The following MAOA variants were observed in gnomAD, a reference collection of about 807,000 sequenced individuals.
The protein encoded by MAOA is monoamine oxidase A.
Under a neutral mutation model 42.0 loss-of-function variants are expected in MAOA, and 6 were observed. The ratio of observed to expected loss-of-function variants is 0.14; its 90% CI spans 0.08 to 0.28. The LOEUF is 0.28. Ranked by LOEUF, MAOA falls within the 10% of genes least tolerant of loss-of-function variation. MAOA has a pLI of 1.00. For missense variants in MAOA, 262 were observed against 422.3 expected (o/e 0.62, Z 3.33); for synonymous variants, 140 against 154.0 (o/e 0.91, Z 0.67).
chrX:43,695,543 C>T (rs928442246), intron 3 of MAOA, among the ~76,000 whole-genome samples: 1 of 110,367 alleles, frequency 9.1e-6, no homozygotes, highest in Non-Finnish European at 1.9e-5. Flanking sequence ...CCAGCCTGGG[C>T]AACATAGTGA....
intron 1 of MAOA, chrX:43,657,722 C>T (rs2033195678): frequency 8.1e-6 from 1 of 122,715 alleles, no homozygotes; most frequent in South Asian, 3.5e-4. Context: ...AAAGAGAAAG[C>T]TGATGGGAGG....
chrX:43,743,714 C>G (rs2033977406), intron 12 of MAOA, 80 bp from the exon 13 acceptor site: 13 of 1,051,562 alleles, frequency 1.2e-5, no homozygotes, highest in Admixed American at 2.6e-5. Flanking sequence ...CTTCTGCAGA[C>G]TAAATGAGGG....
intron 2 of MAOA, 143 bp downstream of exon 2, chrX:43,683,750 C>T (rs937978962): frequency 4.2e-6 from 2 of 473,388 alleles, no homozygotes; most frequent in Admixed American, 6.7e-5. Context: ...GTACTCCCAT[C>T]AAATAAGCGT....
At chrX:43,701,789 C>G (rs927195359) in intron 3 of MAOA, among the ~76,000 whole-genome samples, 4 of 112,140 alleles carry the variant, frequency 3.6e-5, no homozygotes, top group Non-Finnish European at 7.5e-5. Context: ...ATTATATGAG[C>G]AGCTTCCTCA....
At chrX:43,658,857 C>A (rs181887452) in intron 1 of MAOA, among the ~76,000 whole-genome samples, 166 of 111,720 alleles carry the variant, frequency 1.5e-3, no homozygotes, top group African/African-American at 5.2e-3. Context: ...GTTTCATGAG[C>A]GGGTGAGAAG....
chrX:43,744,219 A>G, intron 14 of MAOA, 48 bp downstream of exon 14: 1 of 1,147,870 alleles, frequency 8.7e-7, no homozygotes, highest in South Asian at 1.8e-5. Context: ...CCAATCATGG[A>G]ACATAAAACT....
At position 43,740,847 on chromosome X, in the gene MAOA, C is replaced by T. The variant is rs1328039501; in HGVS notation, c.1164+109C>T. 7 of 678,275 alleles carry T rather than the reference C, an allele frequency of 1.0e-5. No homozygotes were observed. The Admixed American group carries it at 1.7e-4, about 16-fold the overall frequency. The allele number at this position is 678,275 out of a possible 1,213,427, so 55.9% of individuals were successfully genotyped here. A position where few individuals can be genotyped will look rare whatever the true frequency, so the allele number is the denominator to read the frequency against. ...ACAGTCTTATGAAGAGAGTATAAAG[C>T]GATATGCTTAACTTGGAGGATAAAC... On this transcript the variant is annotated intron_variant, in intron 11 of 14. Coordinates refer to ENST00000338702, the MANE Select transcript of MAOA (RefSeq NM_000240.4).
At chrX:43,677,105 G>A (rs2033404672) in intron 1 of MAOA, among the ~76,000 whole-genome samples, 1 of 111,440 alleles carries the variant, frequency 9.0e-6, no homozygotes, top group Non-Finnish European at 1.9e-5. Flanking sequence ...AAAGCAAATG[G>A]CCCTGGGAGA....
chrX:43,677,398 C>T, intron 1 of MAOA, among the ~76,000 whole-genome samples: 1 of 111,677 alleles, frequency 9.0e-6, no homozygotes, highest in African/African-American at 3.3e-5. Flanking sequence ...GGTAACACCA[C>T]TGCTGGCTGC....
At chrX:43,678,843 T>C (rs928583930) in intron 1 of MAOA, among the ~76,000 whole-genome samples, 3 of 112,296 alleles carry the variant, frequency 2.7e-5, no homozygotes, top group African/African-American at 6.5e-5. Context: ...TTCAAAAATA[T>C]TTTCCTAACA....
chrX:43,673,752 G>A (rs1268873691), intron 1 of MAOA, among the ~76,000 whole-genome samples: 1 of 111,723 alleles, frequency 9.0e-6, no homozygotes, highest in Non-Finnish European at 1.9e-5. Context: ...GTACTTGAGT[G>A]GTTTTGAGTG....
In MAOA at chrX:43,691,373, CA is replaced by C. The variant is rs1309475225; in HGVS notation, c.169-1906del. Among the ~76,000 whole-genome samples, 181 of 79,831 alleles carry C rather than the reference CA, an allele frequency of 2.3e-3. No homozygotes were observed. The Middle Eastern group carries it at 0.025, about 11-fold the overall frequency. The allele number at this position is 79,831 out of a possible 115,157, so 69.3% of individuals were successfully genotyped here. On this transcript the variant is annotated intron_variant, in intron 2 of 14. Transcript: ENST00000338702. ...TGACTGATAGAGTAAGACCCTGTCT[CA>C]AAAAAAAAAAATAAAAATAAAAAAG...
chrX:43,735,162 A>G (rs769953194), intron 9 of MAOA, among the ~76,000 whole-genome samples: 2 of 112,294 alleles, frequency 1.8e-5, no homozygotes, highest in African/African-American at 3.2e-5. Flanking sequence ...AGGAACTGCC[A>G]ATCCAATTTG....
At chrX:43,671,667 C>T (rs200259594) in intron 1 of MAOA, among the ~76,000 whole-genome samples, 42,850 of 84,839 alleles carry the variant, frequency 0.51, 9,175 homozygotes, top group Non-Finnish European at 0.6. Flanking sequence ...ATATGGCTAG[C>T]CAGTTTTCCC....
At chrX:43,704,616 A>G (rs2033646575) in intron 3 of MAOA, among the ~76,000 whole-genome samples, 1 of 110,933 alleles carries the variant, frequency 9.0e-6, no homozygotes, top group Non-Finnish European at 1.9e-5. Flanking sequence ...TGTATTTAAC[A>G]TTGTACTAGG....
chrX:43,667,073 G>A (rs2033287683), intron 1 of MAOA, among the ~76,000 whole-genome samples: 1 of 109,393 alleles, frequency 9.1e-6, no homozygotes, highest in Non-Finnish European at 1.9e-5. Flanking sequence ...ACACCAACCT[G>A]GTGCATGTAT....
At chrX:43,656,046 C>T (rs991051731), upstream of MAOA, 44 of 354,852 alleles carry the variant, frequency 1.2e-4, no homozygotes, top group Non-Finnish European at 2.0e-4. Context: ...TTCCAGCTGC[C>T]GACACAAGGA....
At chrX:43,723,439 C>T (rs922186909) in intron 5 of MAOA, among the ~76,000 whole-genome samples, 2 of 111,272 alleles carry the variant, frequency 1.8e-5, no homozygotes, top group Non-Finnish European at 3.8e-5. Flanking sequence ...GTATGTTATT[C>T]TCTTTGTAGC....
At chrX:43,728,779 G>T (rs1392374358) in intron 6 of MAOA, among the ~76,000 whole-genome samples, 2 of 112,264 alleles carry the variant, frequency 1.8e-5, no homozygotes, top group Admixed American at 1.9e-4. Flanking sequence ...AGTGATTATG[G>T]CCACTCTTGC....
Sources: gnomAD v4.1 joint callset for allele counts (sites outside exome capture counted in the v4.1 genomes callset) on GRCh38, gnomAD v4.1.1 for gene constraint, MANE v1.5 for transcripts, NCBI Gene and HGNC (gene_info 2026-07-23, HGNC 2026-07-21) for gene names.